TRMT10B: variants seen among roughly 807,000 people sequenced by gnomAD.
TRMT10B encodes tRNA methyltransferase 10B, also known as tRNA methyltransferase 10 homolog B.
In TRMT10B, 33 loss-of-function variants were observed where a neutral mutation model predicts 43.8. The ratio of observed to expected loss-of-function variants is 0.75; its 90% CI spans 0.57 to 1.01. The LOEUF (loss-of-function observed/expected upper bound fraction) is 1.01. Among genes scored for constraint, TRMT10B ranks in the 50% least tolerant of loss-of-function variants. The pLI, the probability that TRMT10B is intolerant of heterozygous loss-of-function variation, is 0.00. For missense variants in TRMT10B, 362 were observed against 369.8 expected (o/e 0.98, Z 0.17); for synonymous variants, 137 against 130.6 (o/e 1.05, Z -0.34).
At chr9:37,760,539 T>C (rs1053350674) in intron 1 of TRMT10B, among the ~76,000 whole-genome samples, 2 of 152,224 alleles carry the variant, frequency 1.3e-5, no homozygotes, top group African/African-American at 2.4e-5. Context: ...TAATACGGAC[T>C]GATTTAAGCG....
chr9:37,769,996 ACCTGACT>A lies in TRMT10B; in HGVS notation c.638_644del (p.Pro213GlnfsTer10). The A allele has an allele frequency of 6.2e-7, 1 of 1,613,988 alleles. No homozygotes were observed. The highest frequency in any genetic ancestry group is 8.5e-7 in the Non-Finnish European group (1 of 1,179,868). Reference sequence around the variant, plus strand: ...TTATTTCCCTTGGAAACCCTTGTGTACCTGACTCCTGACTCAGAACACGGTATGTAGT... The same window carrying A: ...TTATTTCCCTTGGAAACCCTTGTGTACCTGACTCAGAACACGGTATGTAGT... On this transcript the variant is annotated frameshift_variant, in exon 6 of 9. Transcript: ENST00000297994. LOFTEE classifies it high-confidence loss of function.
In TRMT10B at chr9:37,763,508, T is replaced by C. The variant is rs1021582747; in HGVS notation, c.296-121T>C. The C allele has an allele frequency of 3.9e-6, 3 of 770,878 alleles. No individual in the cohort carries two copies. In the African/African-American group the frequency reaches 5.2e-5, roughly 13 times the overall value. The allele number at this position is 770,878 out of a possible 1,614,324, so 47.8% of individuals were successfully genotyped here. A position where few individuals can be genotyped will look rare whatever the true frequency, so the allele number is the denominator to read the frequency against. ...CTGTGTAAATCTTCTAATGAACGAA[T>C]ACCTTACATCAGTATCAAGTTTCTC... On this transcript the variant is annotated intron_variant, in intron 3 of 8. Transcript: ENST00000297994.
At chr9:37,775,794 C>CA (rs959539491) in intron 7 of TRMT10B, among the ~76,000 whole-genome samples, 21 of 152,312 alleles carry the variant, frequency 1.4e-4, no homozygotes, top group African/African-American at 5.1e-4. Flanking sequence ...GCCTTGGCCT[C>CA]AAAGTGTTGT....
chr9:37,763,603 ATTTC>A (rs1563992076), intron 3 of TRMT10B, 22 bp from the exon 4 acceptor site: 22 of 1,600,586 alleles, frequency 1.4e-5, no homozygotes, highest in Non-Finnish European at 1.5e-5. Context: ...TTCCACTTTT[ATTTC>A]TTTCTGATAT....
At chr9:37,772,944 G>C (rs1589042627) in intron 7 of TRMT10B, among the ~76,000 whole-genome samples, 1 of 152,206 alleles carries the variant, frequency 6.6e-6, no homozygotes, top group East Asian at 1.9e-4. Flanking sequence ...GAAAGTTTAG[G>C]AAATTTTAAT....
upstream of TRMT10B, among the ~76,000 whole-genome samples, chr9:37,753,147 GAAGCTAGCGAGACC>G (rs1825130366): frequency 6.6e-6 from 1 of 152,024 alleles, no homozygotes; most frequent in Non-Finnish European, 1.5e-5. Flanking sequence ...CTTCACTCCT[GAAGCTAGCGAGACC>G]ATGAACCCGC....
chr9:37,764,858 C>T (rs1826812199), intron 4 of TRMT10B, among the ~76,000 whole-genome samples: 1 of 152,150 alleles, frequency 6.6e-6, no homozygotes, highest in South Asian at 2.1e-4. Flanking sequence ...TCATGAGTCT[C>T]ATATACTTAC....
chr9:37,772,482 TCTCA>T (rs1827695850), intron 7 of TRMT10B, among the ~76,000 whole-genome samples: 1 of 151,986 alleles, frequency 6.6e-6, no homozygotes, highest in Non-Finnish European at 1.5e-5. Flanking sequence ...AGAGACAGGG[TCTCA>T]CTGTGTCCAG....
At chr9:37,771,408 C>T (rs1024552265) in intron 7 of TRMT10B, among the ~76,000 whole-genome samples, 2 of 152,058 alleles carry the variant, frequency 1.3e-5, no homozygotes, top group Non-Finnish European at 2.9e-5. Flanking sequence ...ATTATATGAT[C>T]ACAAAGTATG....
At chr9:37,752,978 T>C (rs1415700214), upstream of TRMT10B, among the ~76,000 whole-genome samples, 1 of 152,154 alleles carries the variant, frequency 6.6e-6, no homozygotes, top group African/African-American at 2.4e-5. Flanking sequence ...GCTAACCCTT[T>C]GGGTCCCTAC....
intron 1 of TRMT10B, among the ~76,000 whole-genome samples, chr9:37,754,344 A>G (rs1825366233): frequency 6.6e-6 from 1 of 152,192 alleles, no homozygotes; most frequent in Non-Finnish European, 1.5e-5. Flanking sequence ...AAGAGCATTG[A>G]GGGTAAAGAG....
chr9:37,770,476 C>T (rs1315195246), intron 6 of TRMT10B, among the ~76,000 whole-genome samples, 196 bp from the exon 7 acceptor site: 3 of 152,074 alleles, frequency 2.0e-5, no homozygotes, highest in African/African-American at 4.8e-5. Context: ...TACCCTTTTT[C>T]GTGATTAGCT....
chr9:37,773,770 G>C (rs1207674359), intron 7 of TRMT10B, among the ~76,000 whole-genome samples: 2 of 151,982 alleles, frequency 1.3e-5, no homozygotes, highest in Non-Finnish European at 2.9e-5. Context: ...GGAGGCGGAG[G>C]TTGCAGTGAG....
chr9:37,775,520 G>A (rs75065787), intron 7 of TRMT10B, among the ~76,000 whole-genome samples: 19,476 of 152,018 alleles, frequency 0.13, 1,412 homozygotes, highest in Non-Finnish European at 0.16. Context: ...CCTTTTTGCA[G>A]TTTTCAGAGC....
At chr9:37,753,142 CTCCT>C (rs1825128940), upstream of TRMT10B, among the ~76,000 whole-genome samples, 1 of 151,922 alleles carries the variant, frequency 6.6e-6, no homozygotes, top group Non-Finnish European at 1.5e-5. Flanking sequence ...TGCAGCTTCA[CTCCT>C]GAAGCTAGCG....
Position 37,768,082 on chromosome 9 carries a change from A to C in TRMT10B, c.427A>C (p.Ser143Arg). 6.2e-7 allele frequency: 1 copy of C among 1,613,840 alleles called. No homozygotes were observed. Among genetic ancestry groups the C allele is most frequent in the Non-Finnish European group, 8.5e-7 (1 of 1,179,920 alleles). Residue 143 changes from serine (S) to arginine (R), a missense_variant, in exon 5 of 9, where the codon AGT becomes CGT. Transcript: ENST00000297994. ...TGTTCTTATTTCTTTGAAGGAATTA[A>C]GTAGACTGGCTGGACAGATTCGAAG... Reference protein sequence around the residue: ...MTHYMSKKELSRLAGQIRRLY... With the variant: ...MTHYMSKKELRRLAGQIRRLY...
chr9:37,752,939 T>C (rs991370881), upstream of TRMT10B, among the ~76,000 whole-genome samples: 6 of 151,984 alleles, frequency 3.9e-5, no homozygotes, highest in African/African-American at 7.2e-5. Context: ...CTGTGGGTGC[T>C]TTGTTCTTTG....
chr9:37,768,006 C>T lies in TRMT10B; in HGVS notation c.421-70C>T, dbSNP rs1397415594. ...GTAGCGTTCAGTGAACTTATTGTAG[C>T]CATTTCTTGATAGCTAATTTAGAGT... On this transcript the variant is annotated intron_variant, in intron 4 of 8. Coordinates refer to ENST00000297994, the MANE Select transcript of TRMT10B (RefSeq NM_144964.4). The T allele has an allele frequency of 2.5e-6, 4 of 1,572,542 alleles. No homozygotes were observed. In the African/African-American group the frequency reaches 4.1e-5, roughly 16 times the overall value.
intron 1 of TRMT10B, among the ~76,000 whole-genome samples, chr9:37,757,691 C>T (rs1825868891): frequency 6.6e-6 from 1 of 150,988 alleles, no homozygotes; most frequent in African/African-American, 2.4e-5. Context: ...GTAAGAACAA[C>T]ACTGAAGGGG....
Sources: gnomAD v4.1 joint callset for allele counts (sites outside exome capture counted in the v4.1 genomes callset) on GRCh38, gnomAD v4.1.1 for gene constraint, MANE v1.5 for transcripts, NCBI Gene and HGNC (gene_info 2026-07-23, HGNC 2026-07-21) for gene names.